POLA1: variants seen among roughly 807,000 people sequenced by gnomAD.
POLA1 encodes the protein DNA polymerase alpha 1, catalytic subunit.
Under a neutral mutation model 124.0 loss-of-function variants are expected in POLA1, and 15 were observed. The ratio of observed to expected loss-of-function variants is 0.12; its 90% confidence interval spans 0.08 to 0.19. The LOEUF is 0.19. Ranked by LOEUF, POLA1 falls within the 10% of genes least tolerant of loss-of-function variation. The pLI, the probability that POLA1 is intolerant of heterozygous loss-of-function variation, is 1.00. For synonymous variants in POLA1, 408 were observed against 389.4 expected (o/e 1.05, Z -0.56); for missense variants, 886 against 1,103.4 (o/e 0.80, Z 2.79).
chrX:24,902,550 T>TA (rs2047297022), intron 35 of POLA1, among the ~76,000 whole-genome samples: 1 of 111,852 alleles, frequency 8.9e-6, no homozygotes. Context: ...GGTTATAGAT[T>TA]AAAGGAAAAT....
In POLA1 at chrX:24,801,925, GT is replaced by G. The variant is rs1446018263; in HGVS notation, c.2965-7972del. ...CAGAGCCACTAGGAGAGGTGGGTGG[GT>G]GTGTGTGTGTGTGTGTGTGTGTGTG... On this transcript the variant is annotated intron_variant, in intron 26 of 36. Transcript: ENST00000379068. Among the ~76,000 whole-genome samples the G allele has an allele frequency of 1.8e-3, 16 of 8,820 alleles. No individual in the cohort carries two copies. In the East Asian group the frequency reaches 0.025, roughly 14 times the overall value. The allele number at this position is 8,820 out of a possible 115,157, so 7.7% of individuals were successfully genotyped here.
chrX:24,944,799 C>T (rs1465315580), intron 36 of POLA1, among the ~76,000 whole-genome samples: 1 of 112,166 alleles, frequency 8.9e-6, no homozygotes, highest in Non-Finnish European at 1.9e-5. Context: ...TTTGTCTTTG[C>T]CTAGGCTCTA....
chrX:24,916,335 G>A (rs2047532821), intron 35 of POLA1, among the ~76,000 whole-genome samples: 1 of 103,221 alleles, frequency 9.7e-6, no homozygotes. Context: ...AGGCTAGAGT[G>A]CAGTGGCACG....
chrX:24,816,431 A>G (rs1429637497), intron 30 of POLA1, among the ~76,000 whole-genome samples: 4 of 112,153 alleles, frequency 3.6e-5, no homozygotes, highest in Non-Finnish European at 5.6e-5. Flanking sequence ...TACCTTGACT[A>G]TGGCATCCTT....
At chrX:24,925,753 G>A (rs760273784) in intron 35 of POLA1, among the ~76,000 whole-genome samples, 1 of 111,605 alleles carries the variant, frequency 9.0e-6, no homozygotes, top group African/African-American at 3.3e-5. Context: ...TTGTTTGTTT[G>A]TTTGTTTGTT....
intron 36 of POLA1, among the ~76,000 whole-genome samples, chrX:24,931,878 A>G (rs1392353588): frequency 1.8e-5 from 2 of 111,919 alleles, no homozygotes; most frequent in African/African-American, 6.5e-5. Flanking sequence ...GAATATCAGT[A>G]TATTAGAACC....
intron 34 of POLA1, among the ~76,000 whole-genome samples, chrX:24,853,873 T>G (rs2046601910): frequency 1.8e-5 from 2 of 112,392 alleles, no homozygotes. Flanking sequence ...AAACAAATAC[T>G]GTACTTCAAC....
chrX:24,811,707 A>G (rs983445725), intron 28 of POLA1, among the ~76,000 whole-genome samples: 1 of 105,915 alleles, frequency 9.4e-6, no homozygotes, highest in African/African-American at 3.5e-5. Context: ...TAAGTGTTAT[A>G]TGTTTAAGAT....
intron 1 of POLA1, among the ~76,000 whole-genome samples, chrX:24,695,046 C>T (rs1927882428): frequency 8.9e-6 from 1 of 112,158 alleles, no homozygotes; most frequent in Non-Finnish European, 1.9e-5. Flanking sequence ...ATCCTAAAAA[C>T]TACGTCATCT....
chrX:24,696,573 C>T (rs1408039064), intron 1 of POLA1, among the ~76,000 whole-genome samples: 2 of 111,768 alleles, frequency 1.8e-5, no homozygotes, highest in Non-Finnish European at 3.8e-5. Context: ...TGCCCATGCT[C>T]TAGGCTGCAA....
At chrX:24,836,652 G>A (rs1480421928) in intron 32 of POLA1, among the ~76,000 whole-genome samples, 1 of 111,678 alleles carries the variant, frequency 9.0e-6, no homozygotes, top group Non-Finnish European at 1.9e-5. Context: ...TTCGTGAGGT[G>A]CCTGTTCAAG....
At chrX:24,917,443 T>G (rs1021977936) in intron 35 of POLA1, among the ~76,000 whole-genome samples, 5 of 112,366 alleles carry the variant, frequency 4.4e-5, no homozygotes, top group Non-Finnish European at 7.5e-5. Context: ...TTATTACTTT[T>G]TCTTTGGTTT....
At chrX:24,721,678 C>T (rs1254724788) in intron 10 of POLA1, among the ~76,000 whole-genome samples, 2 of 111,854 alleles carry the variant, frequency 1.8e-5, no homozygotes, top group African/African-American at 6.5e-5. Context: ...GTTGAATAAT[C>T]CTGACTGCAC....
intron 36 of POLA1, among the ~76,000 whole-genome samples, chrX:24,992,215 G>C (rs766041452): frequency 9.0e-6 from 1 of 111,288 alleles, no homozygotes; most frequent in African/African-American, 3.3e-5. Flanking sequence ...TGTAGAGAGC[G>C]TAGAGGGGTG....
intron 24 of POLA1, among the ~76,000 whole-genome samples, chrX:24,747,757 C>G (rs1353212696): frequency 2.4e-5 from 2 of 83,156 alleles, no homozygotes; most frequent in Non-Finnish European, 4.5e-5. Flanking sequence ...TTTTTTAAGA[C>G]AGAGTTTCGC....
At chrX:24,772,123 G>A (rs1233956776) in intron 26 of POLA1, among the ~76,000 whole-genome samples, 1 of 111,002 alleles carries the variant, frequency 9.0e-6, no homozygotes, top group Non-Finnish European at 1.9e-5. Flanking sequence ...ATGATTTCAG[G>A]AGATAGATGT....
intron 32 of POLA1, among the ~76,000 whole-genome samples, chrX:24,838,179 A>G (rs956912636): frequency 1.8e-5 from 2 of 111,967 alleles, no homozygotes; most frequent in Non-Finnish European, 3.8e-5. Flanking sequence ...CCTGATGCCT[A>G]TGATGTTACT....
rs1930389560 is a variant in POLA1 at position 24,724,188 on chromosome X, A to G, written c.1201-147A>G. The G allele has an allele frequency of 1.3e-5, 5 of 382,083 alleles. No homozygotes were observed. In the Admixed American group the frequency reaches 1.6e-4, roughly 13 times the overall value. The allele number at this position is 382,083 out of a possible 1,213,427, so 31.5% of individuals were successfully genotyped here. ...TAGTACATTTTTTGGGTCTGTTTGTATCTTTGAACTTATCTGTAAGACTGC... is the reference window on the plus strand; with the variant it reads ...TAGTACATTTTTTGGGTCTGTTTGTGTCTTTGAACTTATCTGTAAGACTGC... On this transcript the variant is annotated intron_variant, in intron 11 of 36. Transcript: ENST00000379068.
intron 23 of POLA1, among the ~76,000 whole-genome samples, chrX:24,743,732 T>C (rs1254953625): frequency 8.9e-6 from 1 of 111,942 alleles, no homozygotes; most frequent in Non-Finnish European, 1.9e-5. Flanking sequence ...AGTACATAGA[T>C]AGCTGTTTGT....
Sources: gnomAD v4.1 joint callset for allele counts (sites outside exome capture counted in the v4.1 genomes callset) on GRCh38, gnomAD v4.1.1 for gene constraint, MANE v1.5 for transcripts, NCBI Gene and HGNC (gene_info 2026-07-23, HGNC 2026-07-21) for gene names.